Variants in KMT2C observed in about 807,000 individuals in gnomAD.
KMT2C encodes the protein histone-lysine N-methyltransferase 2C.
In KMT2C, 88 loss-of-function variants were observed where a neutral mutation model predicts 507.9. The observed-to-expected ratio is 0.17, with a 90% CI of 0.15 to 0.21. The LOEUF (loss-of-function observed/expected upper bound fraction) is 0.21. Among genes scored for constraint, KMT2C ranks in the 10% least tolerant of loss-of-function variants. The pLI is 1.00. For missense variants in KMT2C, 4,954 were observed against 5,957.8 expected (o/e 0.83, Z 5.55); for synonymous variants, 2,049 against 2,080.8 (o/e 0.98, Z 0.42).
intron 8 of KMT2C, among the ~76,000 whole-genome samples, chr7:152,264,202 G>C (rs2095825649): frequency 6.6e-6 from 1 of 152,114 alleles, no homozygotes; most frequent in Admixed American, 6.6e-5. Context: ...TCCTATTTAT[G>C]TCACGTAACT....
chr7:152,366,432 T>C (rs943352618), intron 1 of KMT2C, among the ~76,000 whole-genome samples: 1 of 152,168 alleles, frequency 6.6e-6, no homozygotes, highest in Non-Finnish European at 1.5e-5. Flanking sequence ...TTCTGACATA[T>C]GCGATACTAC....
In KMT2C at chr7:152,250,854, A is replaced by G. The variant is rs747280561; in HGVS notation, c.1734T>C (p.Asp578=). The change falls in exon 12 of 59, where the codon GAT becomes GAC. Residue 578 remains aspartate (D), a splice_region_variant and synonymous_variant. Coordinates refer to ENST00000262189, the MANE Select transcript of KMT2C (RefSeq NM_170606.3). Reference sequence around the variant, plus strand: ...AGTATATCCATTAAACATTCTTACCATCTGGAACAATTCCAGGAGTGGACT... The same window carrying G: ...AGTATATCCATTAAACATTCTTACCGTCTGGAACAATTCCAGGAGTGGACT... The part of the protein sequence containing the change: ...GQESTPGIVP[D]AVQVHTEEQQ... 8.0e-6 allele frequency: 12 copies of G among 1,498,718 alleles called. No individual in the cohort carries two copies. The African/African-American group carries it at 1.7e-4, about 21-fold the overall frequency. The allele number at this position is 1,498,718 out of a possible 1,614,324, so 92.8% of individuals were successfully genotyped here. A position where few individuals can be genotyped will look rare whatever the true frequency, so the allele number is the denominator to read the frequency against.
Position 152,163,627 on chromosome 7 carries a change from G to A in KMT2C, c.9950C>T (p.Thr3317Ile), listed in dbSNP as rs143783723. 1 of 1,610,896 alleles carries A rather than the reference G, an allele frequency of 6.2e-7. No homozygotes were observed. Among genetic ancestry groups the A allele is most frequent in the African/African-American group, 1.3e-5 (1 of 74,874 alleles). The change falls in exon 43 of 59, where the codon ACA becomes ATA. Residue 3317 changes from threonine (T) to isoleucine (I), a missense_variant. This residue lies in a region of KMT2C where 801 missense variants were observed against 751.2 expected (regional missense o/e 1.07). Transcript: ENST00000262189. ...GCTAGTATGGCCAGAAATAACTGTT[G>A]TGTGCTGCTGGTGCTGAAGCTGCTG... ...VPQQLQHQQH[T>I]TVISGHTSPV...
chr7:152,432,800 G>A (rs1297714321), intron 1 of KMT2C, among the ~76,000 whole-genome samples: 6 of 152,154 alleles, frequency 3.9e-5, no homozygotes, highest in African/African-American at 1.4e-4. Flanking sequence ...GTAATTGGTG[G>A]TGCATGTTTT....
chr7:152,189,004 T>C (rs1563321996), intron 31 of KMT2C, among the ~76,000 whole-genome samples: 1 of 152,192 alleles, frequency 6.6e-6, no homozygotes, highest in East Asian at 1.9e-4. Context: ...TAAAAATACA[T>C]ACACTCTGGT....
intron 1 of KMT2C, among the ~76,000 whole-genome samples, chr7:152,371,043 C>T (rs1311034129): frequency 1.3e-5 from 2 of 152,096 alleles, no homozygotes; most frequent in African/African-American, 4.8e-5. Context: ...ACTCTAAAAA[C>T]ATAAAAACAT....
intron 32 of KMT2C, 115 bp from the exon 33 acceptor site, chr7:152,187,591 G>T: frequency 1.4e-6 from 2 of 1,423,774 alleles, no homozygotes; most frequent in Non-Finnish European, 1.9e-6. Context: ...CATATTTATA[G>T]CAAAAGCCAC....
chr7:152,216,976 G>A (rs2094600897), intron 23 of KMT2C, among the ~76,000 whole-genome samples: 1 of 152,112 alleles, frequency 6.6e-6, no homozygotes, highest in South Asian at 2.1e-4. Context: ...TATCCTATGG[G>A]CTCATCCTGG....
At chr7:152,431,854 A>G (rs1251140822) in intron 1 of KMT2C, among the ~76,000 whole-genome samples, 2 of 152,216 alleles carry the variant, frequency 1.3e-5, no homozygotes, top group Non-Finnish European at 2.9e-5. Context: ...AAAAAGCATG[A>G]ATAATAGTGC....
intron 23 of KMT2C, among the ~76,000 whole-genome samples, chr7:152,216,349 A>G (rs1268451198): frequency 1.3e-5 from 2 of 152,216 alleles, no homozygotes; most frequent in Non-Finnish European, 2.9e-5. Flanking sequence ...TTCTTAAGGA[A>G]GCGGTTATTA....
rs2090894954 is a variant in KMT2C, at chr7:152,144,300, T to C, written c.14343+413A>G. ...CCACAGTCTACCAAAAAACATGCACTGATTTCATGAAACGGTAGCTTCCAA... is the reference window on the plus strand; with the variant it reads ...CCACAGTCTACCAAAAAACATGCACCGATTTCATGAAACGGTAGCTTCCAA... On this transcript the variant is annotated intron_variant, in intron 55 of 58. Coordinates refer to ENST00000262189, the MANE Select transcript of KMT2C (RefSeq NM_170606.3). This position sits in a 1 kb window ranked among gnomAD's most constrained non-coding sequence, Gnocchi z 4.4. 2.6e-5 allele frequency among the ~76,000 whole-genome samples: 4 copies of C among 152,188 alleles called. No individual in the cohort carries two copies. Among genetic ancestry groups the C allele is most frequent in the Admixed American group, 2.6e-4 (4 of 15,282 alleles).
chr7:152,323,933 G>A (rs1303813709), intron 3 of KMT2C, among the ~76,000 whole-genome samples: 2 of 151,622 alleles, frequency 1.3e-5, no homozygotes, highest in African/African-American at 4.8e-5. Flanking sequence ...TCCAGGCACA[G>A]AAAGACAAAT....
chr7:152,188,934 T>G (rs1167456779), intron 31 of KMT2C, among the ~76,000 whole-genome samples: 1 of 152,158 alleles, frequency 6.6e-6, no homozygotes, highest in African/African-American at 2.4e-5. Context: ...AATTGATACT[T>G]TCTCTAAATT....
At position 152,224,547 on chromosome 7, in the gene KMT2C, C is replaced by T; in HGVS notation, c.3046G>A (p.Ala1016Thr). 1 of 1,610,116 alleles carries T rather than the reference C, an allele frequency of 6.2e-7. No individual in the cohort carries two copies. The highest frequency in any genetic ancestry group is 8.5e-7 in the Non-Finnish European group (1 of 1,178,192). Residue 1016 changes from alanine (A) to threonine (T), a missense_variant, in exon 19 of 59, where the codon GCA becomes ACA. Ala to Thr is a moderately conservative substitution (Grantham distance 58). This residue lies in a region of KMT2C where 52 missense variants were observed against 162.4 expected (regional missense o/e 0.32). Coordinates refer to ENST00000262189, the MANE Select transcript of KMT2C (RefSeq NM_170606.3). ...AGCAGGAGTCTTCCTGGGTCAGTTG[C>T]CTTCCCACAGGCCTCACACACAGTG... ...ECTVCEACGK[A>T]TDPGRLLLCD...
rs2095915011 is a variant in KMT2C, at chr7:152,269,297, T to G, written c.1013-4088A>C. On this transcript the variant is annotated intron_variant, in intron 7 of 58. Transcript: ENST00000262189. ...ACATCCATGTAATACATACATCTGG[T>G]GCAAAAACACTTAATATGCCTTATG... is the stretch of plus-strand genomic sequence containing the variant. Among the ~76,000 whole-genome samples the G allele has an allele frequency of 2.0e-5, 3 of 152,224 alleles. No homozygotes were observed. The East Asian group carries it at 5.8e-4, about 29-fold the overall frequency.
chr7:152,419,564 C>T (rs537702237), intron 1 of KMT2C, among the ~76,000 whole-genome samples: 19 of 152,176 alleles, frequency 1.2e-4, no homozygotes, highest in African/African-American at 3.9e-4. Context: ...CAGTTGTTGC[C>T]GGTTATTTTT....
At chr7:152,315,648 G>T (rs944539114) in intron 3 of KMT2C, among the ~76,000 whole-genome samples, 4 of 152,132 alleles carry the variant, frequency 2.6e-5, no homozygotes, top group African/African-American at 9.7e-5. Flanking sequence ...AAGTAAGAAA[G>T]CTAAAGGTGG....
chr7:152,295,700 C>A (rs746703466), intron 6 of KMT2C, among the ~76,000 whole-genome samples: 4 of 152,220 alleles, frequency 2.6e-5, no homozygotes, highest in Non-Finnish European at 5.9e-5. Context: ...TTCAGAGGGG[C>A]TAAATACTCT....
chr7:152,324,932 G>C (rs904141429), intron 3 of KMT2C, among the ~76,000 whole-genome samples: 4 of 151,946 alleles, frequency 2.6e-5, no homozygotes, highest in Non-Finnish European at 4.4e-5. Flanking sequence ...GAAAGTAATC[G>C]AGTAATGTTT....
Sources: allele counts gnomAD v4.1 joint callset (sites outside exome capture counted in the v4.1 genomes callset), GRCh38; gene constraint gnomAD v4.1.1; regional missense constraint gnomAD v4.1.1; non-coding constraint Gnocchi (gnomAD v3.1); transcripts MANE v1.5; gene names NCBI Gene and HGNC (gene_info 2026-07-23, HGNC 2026-07-21).